PLA1A: variants seen among roughly 807,000 people sequenced by gnomAD.
PLA1A encodes the protein phospholipase A1 member A.
PLA1A carries 47 observed loss-of-function variants against 49.4 expected under a neutral mutation model. That is an observed-to-expected ratio of 0.95 (90% CI 0.75 to 1.21). PLA1A has a LOEUF of 1.21. PLA1A is among the 50% of genes most tolerant of loss of function. The pLI is 0.00. For missense variants in PLA1A, 561 were observed against 563.9 expected (o/e 0.99, Z 0.05); for synonymous variants, 224 against 207.9 (o/e 1.08, Z -0.67).
At chr3:119,610,850 A>G (rs979163501) in intron 4 of PLA1A, among the ~76,000 whole-genome samples, 2 of 151,860 alleles carry the variant, frequency 1.3e-5, no homozygotes, top group Non-Finnish European at 2.9e-5. Flanking sequence ...TTTTTGTTTC[A>G]TTTGCTTTTG....
intron 4 of PLA1A, 90 bp downstream of exon 4, chr3:119,609,666 A>AC (rs1232232808): frequency 2.9e-6 from 2 of 693,832 alleles, no homozygotes; most frequent in African/African-American, 3.6e-5. Context: ...AGAGGGGAGT[A>AC]CAGAGCCTTT....
Position 119,606,941 on chromosome 3 carries a change from A to G in PLA1A, c.241A>G (p.Thr81Ala), listed in dbSNP as rs768707264. The change falls in exon 2 of 11, where the codon ACT becomes GCT. Residue 81 changes from threonine (T) to alanine (A), a missense_variant. By Grantham distance (58) the Thr-to-Ala change is moderately conservative. Transcript: ENST00000273371. Reference sequence around the variant, plus strand: ...CCTCCAAAACTCTGGGTTCAATGCCACTCTGGGAACCAAACTAATTATCCA... The same window carrying G: ...CCTCCAAAACTCTGGGTTCAATGCCGCTCTGGGAACCAAACTAATTATCCA... ...SDLQNSGFNA[T>A]LGTKLIIHGF... 2 of 1,614,108 alleles carry G rather than the reference A, an allele frequency of 1.2e-6. No individual in the cohort carries two copies. The highest frequency in any genetic ancestry group is 2.7e-5 in the African/African-American group (2 of 75,046).
intron 1 of PLA1A, among the ~76,000 whole-genome samples, chr3:119,601,270 G>A (rs1444673002): frequency 6.6e-6 from 1 of 152,232 alleles, no homozygotes; most frequent in Non-Finnish European, 1.5e-5. Context: ...GGAGTGCAGA[G>A]TAGCACATTT....
At chr3:119,621,785 C>T (rs1182178586) in intron 8 of PLA1A, among the ~76,000 whole-genome samples, 1 of 152,072 alleles carries the variant, frequency 6.6e-6, no homozygotes, top group African/African-American at 2.4e-5. Context: ...CAGGGTTGGG[C>T]CTTGGATCCA....
In PLA1A at chr3:119,608,938, T is replaced by G; in HGVS notation, c.444T>G (p.Asn148Lys). The change falls in exon 3 of 11, where the codon AAT becomes AAG. Residue 148 changes from asparagine (N) to lysine (K), a missense_variant. By Grantham distance (94) the Asn-to-Lys change is moderately conservative. Transcript: ENST00000273371. ...GCCTCGAGATCTCCCTTTTCCTCAATAAACTCCTGGTAGGTGCAGAAGAGC... is the reference window on the plus strand; with the variant it reads ...GCCTCGAGATCTCCCTTTTCCTCAAGAAACTCCTGGTAGGTGCAGAAGAGC... ...KLSLEISLFL[N>K]KLLVLGVSES... 6.2e-7 allele frequency: 1 copy of G among 1,613,842 alleles called. No individual in the cohort carries two copies. Among genetic ancestry groups the G allele is most frequent in the South Asian group, 1.1e-5 (1 of 91,066 alleles).
chr3:119,619,985 CA>C, intron 8 of PLA1A: 1 of 453,900 alleles, frequency 2.2e-6, no homozygotes, highest in Non-Finnish European at 4.4e-6. Context: ...TCTTGGCGCC[CA>C]CCCTATGTGG....
rs765583977 is a variant in PLA1A at position 119,628,843 on chromosome 3, GC to G, written c.1267del (p.Leu423PhefsTer17). The G allele has an allele frequency of 6.2e-7, 1 of 1,613,838 alleles. No individual in the cohort carries two copies. Among genetic ancestry groups the G allele is most frequent in the Non-Finnish European group, 8.5e-7 (1 of 1,179,838 alleles). On this transcript the variant is annotated frameshift_variant, in exon 10 of 11. Transcript: ENST00000273371. LOFTEE classifies it high-confidence loss of function. ...RTTIIGKFCT[A>X]LLPVNDREKM... ...TACCATTATTGGGAAGTTCTGCACT[GC>G]CCTTTTGCCTGTCAATGACAGGTAA... is the stretch of plus-strand genomic sequence containing the variant.
intron 9 of PLA1A, among the ~76,000 whole-genome samples, chr3:119,625,580 G>A (rs919241519): frequency 1.3e-5 from 2 of 152,182 alleles, no homozygotes; most frequent in African/African-American, 2.4e-5. Flanking sequence ...TAGGGAGGAG[G>A]GCCTCAGTCA....
intron 1 of PLA1A, among the ~76,000 whole-genome samples, chr3:119,598,222 A>G (rs1342036174): frequency 2.6e-5 from 4 of 152,104 alleles, no homozygotes; most frequent in Non-Finnish European, 5.9e-5. Context: ...AAGCCCACAT[A>G]AAAAAACCCT....
chr3:119,628,666 C>T (rs1309895643), intron 9 of PLA1A, 35 bp from the exon 10 acceptor site: 7 of 1,602,602 alleles, frequency 4.4e-6, no homozygotes, highest in Non-Finnish European at 6.0e-6. Context: ...GTAAGGGCTA[C>T]AGTCATTTAC....
chr3:119,626,367 G>C (rs533635231), intron 9 of PLA1A, among the ~76,000 whole-genome samples: 1 of 152,344 alleles, frequency 6.6e-6, no homozygotes, highest in East Asian at 1.9e-4. Context: ...ACACTTAAAT[G>C]AGTGAGCAAT....
At chr3:119,619,402 G>A (rs2082897033) in intron 7 of PLA1A, among the ~76,000 whole-genome samples, 161 bp from the exon 8 acceptor site, 1 of 152,206 alleles carries the variant, frequency 6.6e-6, no homozygotes, top group African/African-American at 2.4e-5. Flanking sequence ...CCGAGTTGCT[G>A]GGATCCCAGG....
chr3:119,606,673 C>G lies in PLA1A; in HGVS notation c.74-101C>G. On this transcript the variant is annotated intron_variant, in intron 1 of 10. Transcript: ENST00000273371. ...TGATGTATAATAAACCCCATGCCTG[C>G]AGGCCCCTGTTTCTTGCTTCCTTCC... 7 of 801,796 alleles carry G rather than the reference C, an allele frequency of 8.7e-6. No homozygotes were observed. In the South Asian group the frequency reaches 1.2e-4, roughly 13 times the overall value. 49.7% of individuals were successfully genotyped at this position (801,796 alleles called of 1,614,324 possible).
At chr3:119,628,637 C>G (rs2052578965) in intron 9 of PLA1A, 64 bp from the exon 10 acceptor site, 9 of 1,503,952 alleles carry the variant, frequency 6.0e-6, no homozygotes, top group South Asian at 1.2e-5. Context: ...CGATCGGAGC[C>G]AAAGGGGAAG....
intron 1 of PLA1A, among the ~76,000 whole-genome samples, chr3:119,605,699 C>T (rs2082676938): frequency 6.6e-6 from 1 of 152,194 alleles, no homozygotes. Flanking sequence ...GGGACCACAC[C>T]TCTGCATCAC....
At chr3:119,602,954 C>T (rs1037696555) in intron 1 of PLA1A, among the ~76,000 whole-genome samples, 5 of 152,044 alleles carry the variant, frequency 3.3e-5, no homozygotes, top group Non-Finnish European at 5.9e-5. Flanking sequence ...AAGGAACAGC[C>T]GGGCAAAGAC....
chr3:119,600,341 A>T (rs2082601127), intron 1 of PLA1A: 6 of 702,304 alleles, frequency 8.5e-6, no homozygotes, highest in Non-Finnish European at 1.6e-5. Context: ...CTGGCCCTTG[A>T]GCTTCCAGGC....
rs60952650 is a variant in PLA1A at position 119,624,480 on chromosome 3, T to C, written c.1013-644T>C. Among the ~76,000 whole-genome samples the C allele has an allele frequency of 8.9e-3, 1,349 of 152,238 alleles. 19 individuals carry two copies. Among genetic ancestry groups the C allele is most frequent in the African/African-American group, 0.031 (1,294 of 41,532 alleles). ...TAGATGCATTTTGGCTCATTCAAGA[T>C]CATCCCACCATGAATATGTCAGCAA... On this transcript the variant is annotated intron_variant, in intron 8 of 10. Transcript: ENST00000273371.
At chr3:119,601,950 T>A (rs895975330) in intron 1 of PLA1A, among the ~76,000 whole-genome samples, 1 of 152,146 alleles carries the variant, frequency 6.6e-6, no homozygotes, top group African/African-American at 2.4e-5. Context: ...ATACGTGAAT[T>A]ATATTAATAC....
Sources: gnomAD v4.1 joint callset for allele counts (sites outside exome capture counted in the v4.1 genomes callset) on GRCh38, gnomAD v4.1.1 for gene constraint, MANE v1.5 for transcripts, NCBI Gene and HGNC (gene_info 2026-07-23, HGNC 2026-07-21) for gene names.